Variants in EML6 observed in about 807,000 individuals in gnomAD.
EML6 encodes EMAP like 6.
A neutral mutation model predicts 240.1 loss-of-function variants in EML6; 154 were observed. The observed-to-expected ratio is 0.64, with a 90% CI of 0.56 to 0.73. The LOEUF (loss-of-function observed/expected upper bound fraction) is 0.73. Ranked by LOEUF, EML6 falls within the 30% of genes least tolerant of loss-of-function variation. The pLI, the probability that EML6 is intolerant of heterozygous loss-of-function variation, is 0.00. For missense variants in EML6, 2,964 were observed against 2,474.6 expected (o/e 1.20, Z -4.20); for synonymous variants, 1,148 against 899.0 (o/e 1.28, Z -4.95).
At chr2:54,847,368 A>ACAC in intron 8 of EML6, 118 bp from the exon 9 acceptor site, 3 of 1,050,404 alleles carry the variant, frequency 2.9e-6, no homozygotes, top group Non-Finnish European at 4.1e-6. Flanking sequence ...CTCTGGTGTG[A>ACAC]AGTTCCTATG....
chr2:54,939,301 A>C (rs972721735), intron 28 of EML6, among the ~76,000 whole-genome samples: 2 of 152,154 alleles, frequency 1.3e-5, no homozygotes, highest in African/African-American at 4.8e-5. Flanking sequence ...TAGTGGTCTG[A>C]AGTGGAGAAG....
chr2:54,796,699 T>A (rs1040489613), intron 2 of EML6, among the ~76,000 whole-genome samples: 2 of 152,096 alleles, frequency 1.3e-5, no homozygotes, highest in African/African-American at 4.8e-5. Flanking sequence ...ATACTAGGCA[T>A]CCAGAAAAGG....
chr2:54,934,982 A>G (rs1297817764), intron 28 of EML6, among the ~76,000 whole-genome samples: 2 of 152,240 alleles, frequency 1.3e-5, no homozygotes, highest in African/African-American at 2.4e-5. Context: ...TTGGTGATAA[A>G]CTGAGTATGA....
Position 54,869,116 on chromosome 2 carries a change from C to T in EML6, c.2052-65C>T, listed in dbSNP as rs1357344517. 49 of 1,101,156 alleles carry T rather than the reference C, an allele frequency of 4.4e-5. No individual in the cohort carries two copies. In the Admixed American group the frequency reaches 6.0e-4, roughly 13 times the overall value. The allele number at this position is 1,101,156 out of a possible 1,614,324, so 68.2% of individuals were successfully genotyped here. On this transcript the variant is annotated intron_variant, in intron 14 of 41. Coordinates refer to ENST00000356458, the MANE Select transcript of EML6 (RefSeq NM_001039753.4). ...GTCAATATGTTAGCCTTGCCTCTGACACCTCCTGCTCCATGCATTTGCTGT... is the reference window on the plus strand; with the variant it reads ...GTCAATATGTTAGCCTTGCCTCTGATACCTCCTGCTCCATGCATTTGCTGT...
At chr2:54,857,197 C>A (rs1332557481) in intron 11 of EML6, among the ~76,000 whole-genome samples, 2 of 152,138 alleles carry the variant, frequency 1.3e-5, no homozygotes, top group Admixed American at 1.3e-4. Flanking sequence ...CCGTACTGGG[C>A]ATCCGGGTGG....
intron 2 of EML6, among the ~76,000 whole-genome samples, chr2:54,800,736 C>A (rs972793256): frequency 2.6e-5 from 4 of 151,940 alleles, no homozygotes; most frequent in African/African-American, 9.7e-5. Context: ...TTCGTGGTTC[C>A]CAAGCAGCTT....
At chr2:54,871,776 A>G (rs1671272544) in intron 16 of EML6, among the ~76,000 whole-genome samples, 171 bp downstream of exon 16, 1 of 152,264 alleles carries the variant, frequency 6.6e-6, no homozygotes, top group Admixed American at 6.5e-5. Context: ...ACCCGCTCTT[A>G]TACTGAGAAT....
At chr2:54,755,670 A>G (rs1319122196) in intron 2 of EML6, among the ~76,000 whole-genome samples, 1 of 151,902 alleles carries the variant, frequency 6.6e-6, no homozygotes, top group Non-Finnish European at 1.5e-5. Context: ...ATAATTTTTT[A>G]GTTTTTTCGA....
At chr2:54,902,882 G>A (rs1164100924) in intron 22 of EML6, among the ~76,000 whole-genome samples, 162 bp from the exon 23 acceptor site, 1 of 152,218 alleles carries the variant, frequency 6.6e-6, no homozygotes, top group Non-Finnish European at 1.5e-5. Flanking sequence ...GACAAGAGGT[G>A]TCTTAAATTA....
chr2:54,846,924 T>TTTTTTC (rs1669793144), intron 8 of EML6, among the ~76,000 whole-genome samples: 1 of 33,416 alleles, frequency 3.0e-5, no homozygotes, highest in African/African-American at 7.2e-5. Flanking sequence ...TGAAGTAGTA[T>TTTTTTC]TTTTTTTTTT....
chr2:54,821,849 A>G (rs978129537), intron 5 of EML6, among the ~76,000 whole-genome samples: 8 of 152,110 alleles, frequency 5.3e-5, no homozygotes, highest in African/African-American at 9.7e-5. Context: ...TTCAAAAACT[A>G]TAAAATAACT....
intron 17 of EML6, among the ~76,000 whole-genome samples, chr2:54,886,396 A>G (rs1456117504): frequency 6.6e-6 from 1 of 151,368 alleles, no homozygotes; most frequent in Non-Finnish European, 1.5e-5. Context: ...CTAACTCCTG[A>G]CCTCCTCAGG....
intron 39 of EML6, 151 bp from the exon 40 acceptor site, chr2:54,967,977 G>A (rs899431951): frequency 2.9e-6 from 2 of 696,752 alleles, no homozygotes; most frequent in African/African-American, 1.8e-5. Flanking sequence ...TTCCTAACAG[G>A]CCATGGACCA....
intron 28 of EML6, among the ~76,000 whole-genome samples, chr2:54,941,947 C>T (rs1332896566): frequency 1.3e-5 from 2 of 152,210 alleles, no homozygotes; most frequent in African/African-American, 4.8e-5. Context: ...ATCTATTAAA[C>T]CCAGAAATGC....
At chr2:54,798,563 G>T (rs76830118) in intron 2 of EML6, among the ~76,000 whole-genome samples, 10,215 of 152,114 alleles carry the variant, frequency 0.067, 507 homozygotes, top group East Asian at 0.3. Context: ...TATTATAAGT[G>T]GCATTAAAAT....
At chr2:54,861,546 C>G (rs561078521) in intron 12 of EML6, among the ~76,000 whole-genome samples, 1 of 152,174 alleles carries the variant, frequency 6.6e-6, no homozygotes, top group African/African-American at 2.4e-5. Flanking sequence ...AGTCCACCCT[C>G]CAACCCTTCT....
At chr2:54,817,705 G>A (rs141998685) in intron 4 of EML6, among the ~76,000 whole-genome samples, 43 of 152,124 alleles carry the variant, frequency 2.8e-4, no homozygotes, top group African/African-American at 8.2e-4. Context: ...GTGTTGGGCC[G>A]CATTCACAGC....
intron 12 of EML6, 68 bp downstream of exon 12, chr2:54,859,769 A>G: frequency 7.5e-7 from 1 of 1,325,966 alleles, no homozygotes; most frequent in Non-Finnish European, 1.0e-6. Context: ...ATGGTCTAAC[A>G]TGTATTCTAT....
At chr2:54,875,565 A>G (rs73938650) in intron 16 of EML6, among the ~76,000 whole-genome samples, 6,631 of 152,326 alleles carry the variant, frequency 0.044, 494 homozygotes, top group African/African-American at 0.15. Context: ...TGAAAACTAG[A>G]TAACAAATAA....
Sources: gnomAD v4.1 joint callset for allele counts (sites outside exome capture counted in the v4.1 genomes callset) on GRCh38, gnomAD v4.1.1 for gene constraint, MANE v1.5 for transcripts, NCBI Gene and HGNC (gene_info 2026-07-23, HGNC 2026-07-21) for gene names.